ANKRD44: variants seen among roughly 807,000 people sequenced by gnomAD.
ANKRD44 encodes serine/threonine-protein phosphatase 6 regulatory ankyrin repeat subunit B.
In ANKRD44, 35 loss-of-function variants were observed where a neutral mutation model predicts 116.0. That is an observed-to-expected ratio of 0.30 (90% CI 0.23 to 0.40). The LOEUF (loss-of-function observed/expected upper bound fraction) is 0.40, where lower values mean the gene tolerates loss of function less well. Ranked by LOEUF, ANKRD44 falls within the 10% of genes least tolerant of loss-of-function variation. The pLI is 1.00. For missense variants in ANKRD44, 1,014 were observed against 1,242.6 expected, an observed-to-expected ratio of 0.82 and a Z score of 2.77; for synonymous variants, 435 against 461.8, an observed-to-expected ratio of 0.94 and a Z score of 0.74.
At chr2:197,232,978 C>T (rs1482495551) in intron 1 of ANKRD44, among the ~76,000 whole-genome samples, 1 of 152,116 alleles carries the variant, frequency 6.6e-6, no homozygotes, top group Non-Finnish European at 1.5e-5. Context: ...GCCTATAGTT[C>T]TCTCATTACA....
At chr2:197,038,316 A>T (rs918167196) in intron 16 of ANKRD44, among the ~76,000 whole-genome samples, 14 of 125,198 alleles carry the variant, frequency 1.1e-4, no homozygotes, top group Non-Finnish European at 2.5e-4. Flanking sequence ...TGTAAATCTA[A>T]AACTGCGCTT....
At chr2:196,990,025 T>C in intron 27 of ANKRD44, 1 of 1,044,064 alleles carries the variant, frequency 9.6e-7, no homozygotes, top group Non-Finnish European at 1.2e-6. Flanking sequence ...AGGCTTGTTA[T>C]AGGGAACACT....
intron 27 of ANKRD44, among the ~76,000 whole-genome samples, chr2:196,993,102 T>G (rs1037648142): frequency 6.6e-6 from 1 of 152,340 alleles, no homozygotes; most frequent in East Asian, 1.9e-4. Context: ...AATTTTACTC[T>G]TGTTCCTCAC....
At chr2:197,006,670 A>C (rs2076208333) in intron 20 of ANKRD44, among the ~76,000 whole-genome samples, 1 of 152,200 alleles carries the variant, frequency 6.6e-6, no homozygotes, top group African/African-American at 2.4e-5. Context: ...CACAGGAAGC[A>C]ACTGAGAAAT....
At position 197,212,038 on chromosome 2, in the gene ANKRD44, AGTCTCTCTCTCT is replaced by A. The variant is rs1559153742; in HGVS notation, c.28-24944_28-24933del. Among the ~76,000 whole-genome samples the A allele has an allele frequency of 1.4e-5, 1 of 73,904 alleles. No individual in the cohort carries two copies. The highest frequency in any genetic ancestry group is 4.2e-5 in the African/African-American group (1 of 24,004). 48.5% of individuals were successfully genotyped at this position (73,904 alleles called of 152,430 possible). On this transcript the variant is annotated intron_variant, in intron 1 of 27. Transcript: ENST00000282272. The surrounding 1 kb of genome is among the most constrained non-coding windows in gnomAD (Gnocchi z 4.8). ...TTCACTGAGCCTCTCTCTCTCTCTCAGTCTCTCTCTCTCTCACACACACACACACACACACAC... is the reference window on the plus strand; with the variant it reads ...TTCACTGAGCCTCTCTCTCTCTCTCACTCACACACACACACACACACACAC...
At chr2:197,259,484 C>T (rs1367056335) in intron 1 of ANKRD44, among the ~76,000 whole-genome samples, 1 of 152,168 alleles carries the variant, frequency 6.6e-6, no homozygotes, top group Non-Finnish European at 1.5e-5. Context: ...TCTTGTCTAG[C>T]CCACCATGAT....
At chr2:197,105,277 C>T (rs546903912) in intron 9 of ANKRD44, among the ~76,000 whole-genome samples, 4 of 152,186 alleles carry the variant, frequency 2.6e-5, no homozygotes, top group East Asian at 1.9e-4. Flanking sequence ...TCATGCTCAG[C>T]TAATTTTTGT....
In ANKRD44 at chr2:197,044,091, G is replaced by A. The variant is rs548253070; in HGVS notation, c.1651-18824C>T. On this transcript the variant is annotated intron_variant, in intron 16 of 27. Coordinates refer to ENST00000282272, the MANE Select transcript of ANKRD44 (RefSeq NM_001195144.2). ...TTTTTGTTTACTTACTGTATTTCTT[G>A]GAATTTTATTTATTAAGCAATAAAA... 2.0e-5 allele frequency among the ~76,000 whole-genome samples: 3 copies of A among 152,096 alleles called. No homozygotes were observed. In the East Asian group the frequency reaches 5.8e-4, roughly 29 times the overall value.
rs1019113296 is a variant in ANKRD44 at position 197,147,252 on chromosome 2, C to T, written c.112-147G>A. The T allele has an allele frequency of 2.4e-5, 15 of 631,766 alleles. No individual in the cohort carries two copies. The Middle Eastern group carries it at 2.3e-3, about 99-fold the overall frequency. 39.1% of individuals were successfully genotyped at this position (631,766 alleles called of 1,614,324 possible). A position where few individuals can be genotyped will look rare whatever the true frequency, so the allele number is the denominator to read the frequency against. On this transcript the variant is annotated intron_variant, in intron 2 of 27. Transcript: ENST00000282272. The stretch of plus-strand genomic sequence containing the variant: ...AACATTCGAGTAACTTCTGGTTATG[C>T]ATTTTCTCTCAACATACCCTATAGT...
chr2:197,156,367 A>G, intron 2 of ANKRD44, among the ~76,000 whole-genome samples: 1 of 151,776 alleles, frequency 6.6e-6, no homozygotes, highest in East Asian at 1.9e-4. Flanking sequence ...AACAGTGCCC[A>G]CCGTCATTAG....
chr2:197,125,476 A>T lies in ANKRD44; in HGVS notation c.463-8T>A. The T allele has an allele frequency of 6.2e-7, 1 of 1,611,682 alleles. No homozygotes were observed. The highest frequency in any genetic ancestry group is 8.5e-7 in the Non-Finnish European group (1 of 1,178,284). On this transcript the variant is annotated splice_polypyrimidine_tract_variant and splice_region_variant and intron_variant, in intron 5 of 27. Coordinates refer to ENST00000282272, the MANE Select transcript of ANKRD44 (RefSeq NM_001195144.2). ...CAAGAGTAAATTGACCATCTGAAAG[A>T]TAACCAACAATGAAATCAAGCATAC...
chr2:197,229,300 A>C (rs4850774), intron 1 of ANKRD44, among the ~76,000 whole-genome samples: 1 of 152,232 alleles, frequency 6.6e-6, no homozygotes, highest in African/African-American at 2.4e-5. Flanking sequence ...GTGTATAGAG[A>C]CTTATTAAAT....
chr2:197,199,409 TTA>T (rs776969187), intron 1 of ANKRD44: 15 of 152,266 alleles, frequency 9.9e-5, no homozygotes, highest in South Asian at 6.2e-4. Flanking sequence ...CCTGTGCATT[TTA>T]TCTTTGTCTT....
chr2:197,122,826 C>A, intron 6 of ANKRD44, 34 bp from the exon 7 acceptor site: 2 of 1,606,736 alleles, frequency 1.2e-6, no homozygotes, highest in East Asian at 2.2e-5. Flanking sequence ...ACATCGTTAA[C>A]CTTTATAGGA....
At chr2:197,187,127 G>A (rs755825905) in intron 1 of ANKRD44, 21 bp from the exon 2 acceptor site, 3 of 1,610,634 alleles carry the variant, frequency 1.9e-6, no homozygotes, top group South Asian at 2.2e-5. Flanking sequence ...AAGAGAATGG[G>A]AATCAGAACT....
intron 16 of ANKRD44, among the ~76,000 whole-genome samples, chr2:197,051,878 T>A (rs2077114469): frequency 6.6e-6 from 1 of 152,156 alleles, no homozygotes; most frequent in South Asian, 2.1e-4. Context: ...CCTCCTATAA[T>A]GCCAAGATAG....
intron 20 of ANKRD44, among the ~76,000 whole-genome samples, chr2:197,006,362 G>A (rs1244168397): frequency 5.9e-5 from 9 of 152,204 alleles, no homozygotes; most frequent in South Asian, 2.1e-4. Context: ...GGAGAATGGC[G>A]TGAACCTGGG....
At chr2:197,132,232 G>T (rs2079113106) in intron 4 of ANKRD44, among the ~76,000 whole-genome samples, 1 of 152,198 alleles carries the variant, frequency 6.6e-6, no homozygotes, top group African/African-American at 2.4e-5. Context: ...CAGGTTGGGG[G>T]TAGGAAAGGG....
intron 21 of ANKRD44, among the ~76,000 whole-genome samples, chr2:196,978,374 A>G (rs2075775066): frequency 6.6e-6 from 1 of 152,210 alleles, no homozygotes; most frequent in Non-Finnish European, 1.5e-5. Context: ...CTGCAGAATC[A>G]TGAGCCAAAA....
Sources: gnomAD v4.1 joint callset for allele counts (sites outside exome capture counted in the v4.1 genomes callset) on GRCh38, gnomAD v4.1.1 for gene constraint, Gnocchi (gnomAD v3.1) non-coding constraint, MANE v1.5 for transcripts, NCBI Gene and HGNC (gene_info 2026-07-23, HGNC 2026-07-21) for gene names.